The following ROBO1 variants were observed in gnomAD, a reference collection of about 807,000 sequenced individuals.
ROBO1 encodes roundabout homolog 1.
In ROBO1, 149 loss-of-function variants were observed where a neutral mutation model predicts 195.9. The ratio of observed to expected loss-of-function variants is 0.76; its 90% CI spans 0.67 to 0.87. ROBO1 has a LOEUF of 0.87. Among genes scored for constraint, ROBO1 ranks in the 40% least tolerant of loss-of-function variants. The probability of loss-of-function intolerance (pLI) is 0.00; values close to 1 mark genes in which losing one functional copy is unlikely to be tolerated. For missense variants in ROBO1, 1,933 were observed against 2,068.3 expected (o/e 0.93, Z 1.27); for synonymous variants, 816 against 733.2 (o/e 1.11, Z -1.82).
At chr3:78,779,303 A>C (rs2083600410) in intron 4 of ROBO1, among the ~76,000 whole-genome samples, 1 of 152,228 alleles carries the variant, frequency 6.6e-6, no homozygotes. Context: ...AGAAACTATC[A>C]TCAGAATGAA....
At chr3:78,922,149 A>G (rs1053220314) in intron 4 of ROBO1, among the ~76,000 whole-genome samples, 1 of 152,192 alleles carries the variant, frequency 6.6e-6, no homozygotes, top group East Asian at 1.9e-4. Flanking sequence ...GGCAGTCAAC[A>G]TAATAGTTGC....
intron 2 of ROBO1, among the ~76,000 whole-genome samples, chr3:79,271,547 A>T (rs1042787504): frequency 2.0e-5 from 3 of 152,042 alleles, no homozygotes; most frequent in Non-Finnish European, 4.4e-5. Context: ...AGGGAAATTT[A>T]GCCATATGCT....
chr3:78,882,530 G>A (rs1225147049), intron 4 of ROBO1, among the ~76,000 whole-genome samples: 5 of 152,064 alleles, frequency 3.3e-5, no homozygotes, highest in Non-Finnish European at 7.3e-5. Context: ...CCATCATGCT[G>A]AATGAAATAT....
In ROBO1 at chr3:79,018,530, TATGA is replaced by T. The variant is rs966106144; in HGVS notation, c.173-79607_173-79604del. 11 of 1,600,612 alleles carry T rather than the reference TATGA, an allele frequency of 6.9e-6. No homozygotes were observed. In the African/African-American group the frequency reaches 1.2e-4, roughly 18 times the overall value. ...GGAGTGGAAATAGGGTCCCCAAATGTATGAAGCCACACACCACACACAAAGGCTT... is the reference window on the plus strand; with the variant it reads ...GGAGTGGAAATAGGGTCCCCAAATGTAGCCACACACCACACACAAAGGCTT... On this transcript the variant is annotated intron_variant, in intron 3 of 30. Transcript: ENST00000464233.
chr3:78,870,739 T>A (rs2035495987), intron 4 of ROBO1, among the ~76,000 whole-genome samples: 1 of 151,950 alleles, frequency 6.6e-6, no homozygotes, highest in Non-Finnish European at 1.5e-5. Context: ...CCTCTGGGAG[T>A]GAACACAAGG....
In ROBO1 at chr3:78,629,642, A is replaced by G. The variant is rs546612353; in HGVS notation, c.3626+1519T>C. ...GCTCTGGGGTGAGTCCCTGTTTCTA[A>G]AAACAAAACCAAACCAACCAAACCA... On this transcript the variant is annotated intron_variant, in intron 25 of 30. Coordinates refer to ENST00000464233, the MANE Select transcript of ROBO1 (RefSeq NM_002941.4). Among the ~76,000 whole-genome samples, 48 of 131,200 alleles carry G rather than the reference A, an allele frequency of 3.7e-4. 1 individual carries two copies. The highest frequency in any genetic ancestry group is 1.2e-3 in the African/African-American group (42 of 33,754). 86.1% of individuals were successfully genotyped at this position (131,200 alleles called of 152,430 possible). A position where few individuals can be genotyped will look rare whatever the true frequency, so the allele number is the denominator to read the frequency against.
At chr3:79,268,987 C>A (rs1441405193) in intron 2 of ROBO1, among the ~76,000 whole-genome samples, 3 of 151,664 alleles carry the variant, frequency 2.0e-5, no homozygotes, top group African/African-American at 7.3e-5. Flanking sequence ...ATCACAACAT[C>A]TTCTCCAGTC....
chr3:78,977,155 A>C (rs2076901007), intron 3 of ROBO1, among the ~76,000 whole-genome samples: 1 of 152,160 alleles, frequency 6.6e-6, no homozygotes, highest in Non-Finnish European at 1.5e-5. Flanking sequence ...TACAGATTAA[A>C]TCCCAAACCA....
intron 1 of ROBO1, among the ~76,000 whole-genome samples, chr3:79,679,806 A>G (rs1242620075): frequency 1.3e-5 from 2 of 151,966 alleles, no homozygotes; most frequent in South Asian, 2.1e-4. Context: ...GATGACAAAT[A>G]TATTTTTCTC....
At chr3:79,556,899 T>C (rs1179514210) in intron 2 of ROBO1, among the ~76,000 whole-genome samples, 1 of 151,476 alleles carries the variant, frequency 6.6e-6, no homozygotes, top group Non-Finnish European at 1.5e-5. Context: ...ATGCAATTTT[T>C]ATTTTTTAAA....
chr3:78,935,660 G>C (rs905033457), intron 4 of ROBO1, among the ~76,000 whole-genome samples: 2 of 152,002 alleles, frequency 1.3e-5, no homozygotes, highest in African/African-American at 4.8e-5. Context: ...AGTTGGGTTT[G>C]AAATTGAATT....
At chr3:79,284,095 TATATACATGCATATATATG>T (rs2031728823) in intron 2 of ROBO1, among the ~76,000 whole-genome samples, 1 of 152,078 alleles carries the variant, frequency 6.6e-6, no homozygotes, top group Admixed American at 6.6e-5. Context: ...TATGCATGTA[TATATACATGCATATATATG>T]ATGGTCATAT....
At chr3:78,685,225 T>C (rs1434226327) in intron 10 of ROBO1, among the ~76,000 whole-genome samples, 2 of 152,204 alleles carry the variant, frequency 1.3e-5, no homozygotes, top group African/African-American at 2.4e-5. Flanking sequence ...GTCACTACTG[T>C]CCATCTTACA....
chr3:79,639,485 GT>G (rs1252988598), intron 1 of ROBO1, among the ~76,000 whole-genome samples: 4 of 152,076 alleles, frequency 2.6e-5, no homozygotes, highest in African/African-American at 9.6e-5. Context: ...ATACAACCAG[GT>G]TGGAAAAAAA....
chr3:79,138,398 C>T (rs978750452), intron 2 of ROBO1, among the ~76,000 whole-genome samples: 12 of 151,928 alleles, frequency 7.9e-5, no homozygotes, highest in Non-Finnish European at 1.6e-4. Context: ...GAATTATTTC[C>T]TTATTTGGAC....
chr3:78,904,139 T>TATATATACAATATATATACAC (rs1252083602), intron 4 of ROBO1, among the ~76,000 whole-genome samples: 1 of 151,566 alleles, frequency 6.6e-6, no homozygotes, highest in African/African-American at 2.4e-5. Flanking sequence ...TATATATACA[T>TATATATACAATATATATACAC]ATATATACAA....
rs777639107 is a variant in ROBO1, at chr3:78,651,722, A to T, written c.2812+10T>A. On this transcript the variant is annotated intron_variant, in intron 19 of 30. Coordinates refer to ENST00000464233, the MANE Select transcript of ROBO1 (RefSeq NM_002941.4). ...ACATTAAAATATGAAAACCTTGGGA[A>T]AGCTAATACCTTTTCTGATACCCGC... is the stretch of plus-strand genomic sequence containing the variant. 3.2e-6 allele frequency: 5 copies of T among 1,547,572 alleles called. No homozygotes were observed. Among genetic ancestry groups the T allele is most frequent in the Non-Finnish European group, 4.4e-6 (5 of 1,147,570 alleles).
At chr3:78,851,607 C>T (rs1388331551) in intron 4 of ROBO1, among the ~76,000 whole-genome samples, 2 of 152,126 alleles carry the variant, frequency 1.3e-5, no homozygotes, top group African/African-American at 2.4e-5. Flanking sequence ...TAATAATTCT[C>T]ACAGATAAAC....
intron 1 of ROBO1, among the ~76,000 whole-genome samples, chr3:79,664,383 G>A (rs888134387): frequency 2.0e-5 from 3 of 151,944 alleles, no homozygotes; most frequent in African/African-American, 7.2e-5. Flanking sequence ...CTACATATAT[G>A]TGAACTCCTA....
Sources: allele counts gnomAD v4.1 joint callset (sites outside exome capture counted in the v4.1 genomes callset), GRCh38; gene constraint gnomAD v4.1.1; transcripts MANE v1.5; gene names NCBI Gene and HGNC (gene_info 2026-07-23, HGNC 2026-07-21).